ARHGAP24: variants seen among roughly 807,000 people sequenced by gnomAD.
ARHGAP24 encodes Rho GTPase activating protein 24.
ARHGAP24 carries 50 observed loss-of-function variants against 76.4 expected under a neutral mutation model. The ratio of observed to expected loss-of-function variants is 0.65; its 90% CI spans 0.52 to 0.83. The LOEUF (loss-of-function observed/expected upper bound fraction) is 0.83. ARHGAP24 is among the 40% of genes least tolerant of loss of function. The pLI is 0.00. For missense variants in ARHGAP24, 930 were observed against 914.2 expected (o/e 1.02, Z -0.22); for synonymous variants, 345 against 323.3 (o/e 1.07, Z -0.72).
At chr4:85,641,149 T>A (rs945160874) in intron 2 of ARHGAP24, among the ~76,000 whole-genome samples, 4 of 152,112 alleles carry the variant, frequency 2.6e-5, no homozygotes, top group African/African-American at 9.7e-5. Flanking sequence ...CAGGCTAGAG[T>A]GCAGTAGAAC....
At chr4:85,692,405 T>A (rs188368927) in intron 2 of ARHGAP24, among the ~76,000 whole-genome samples, 3 of 152,330 alleles carry the variant, frequency 2.0e-5, no homozygotes, top group Non-Finnish European at 4.4e-5. Flanking sequence ...GTGCACTATA[T>A]CCTCAAGTAT....
chr4:85,534,095 G>A (rs188408691), intron 1 of ARHGAP24, among the ~76,000 whole-genome samples: 1 of 152,268 alleles, frequency 6.6e-6, no homozygotes, highest in African/African-American at 2.4e-5. Flanking sequence ...GGAAGCTGGT[G>A]AAGCAGCTAA....
At position 85,995,075 on chromosome 4, in the gene ARHGAP24, C is replaced by A; in HGVS notation, c.1421C>A (p.Thr474Lys). ...SLKVSGTKMG[T>K]HSVQNGTVRM... ...AAGGTATCTGGTACCAAAATGGGCACGCACAGTGTACAGAATGGAACGGTG... is the reference window on the plus strand; with the variant it reads ...AAGGTATCTGGTACCAAAATGGGCAAGCACAGTGTACAGAATGGAACGGTG... Residue 474 changes from threonine to lysine, a missense_variant, in exon 9 of 10, where the codon ACG becomes AAG. Coordinates refer to ENST00000395184, the MANE Select transcript of ARHGAP24 (RefSeq NM_001025616.3). 1.2e-6 allele frequency: 2 copies of A among 1,613,982 alleles called. No homozygotes were observed. The highest frequency in any genetic ancestry group is 1.7e-6 in the Non-Finnish European group (2 of 1,180,006).
At chr4:85,535,914 G>A (rs868373702) in intron 1 of ARHGAP24, among the ~76,000 whole-genome samples, 22 of 152,082 alleles carry the variant, frequency 1.4e-4, no homozygotes, top group Admixed American at 6.5e-4. Context: ...TCTTCTGAAT[G>A]TCAAAAACAT....
chr4:85,802,094 A>C (rs980864175), intron 3 of ARHGAP24, among the ~76,000 whole-genome samples: 1 of 152,232 alleles, frequency 6.6e-6, no homozygotes, highest in Admixed American at 6.5e-5. Context: ...GATGGAAATC[A>C]ATAAAATTCA....
At chr4:85,515,043 G>A (rs188712701) in intron 1 of ARHGAP24, among the ~76,000 whole-genome samples, 6 of 151,944 alleles carry the variant, frequency 3.9e-5, no homozygotes, top group Admixed American at 1.3e-4. Flanking sequence ...ATCCTGCTGC[G>A]GATCTTCTGA....
intron 2 of ARHGAP24, among the ~76,000 whole-genome samples, chr4:85,648,090 T>A (rs1317281973): frequency 6.6e-6 from 1 of 152,150 alleles, no homozygotes; most frequent in Non-Finnish European, 1.5e-5. Context: ...TCATGCTGAC[T>A]TATTCACACC....
At chr4:85,619,333 T>G (rs1720639097) in intron 2 of ARHGAP24, among the ~76,000 whole-genome samples, 1 of 149,418 alleles carries the variant, frequency 6.7e-6, no homozygotes, top group African/African-American at 2.6e-5. Context: ...TATGTCTGTT[T>G]TTATGCTGAT....
chr4:85,919,388 C>A (rs1180432470), intron 3 of ARHGAP24, among the ~76,000 whole-genome samples: 1 of 152,146 alleles, frequency 6.6e-6, no homozygotes, highest in Non-Finnish European at 1.5e-5. Flanking sequence ...TTAGAAATCA[C>A]CTATTTTTAG....
chr4:85,562,200 T>C (rs1726624774), intron 1 of ARHGAP24, among the ~76,000 whole-genome samples: 1 of 152,206 alleles, frequency 6.6e-6, no homozygotes, highest in South Asian at 2.1e-4. Flanking sequence ...TAAAAGAAAA[T>C]GCTAATGCTA....
intron 3 of ARHGAP24, among the ~76,000 whole-genome samples, chr4:85,894,997 A>C (rs1560701748): frequency 2.6e-5 from 1 of 38,382 alleles, no homozygotes; most frequent in Non-Finnish European, 5.0e-5. Context: ...AACAAAACAA[A>C]AAGCAAAAAA....
intron 3 of ARHGAP24, among the ~76,000 whole-genome samples, chr4:85,771,276 G>A (rs1224190266): frequency 6.6e-6 from 1 of 152,252 alleles, no homozygotes; most frequent in Non-Finnish European, 1.5e-5. Flanking sequence ...TATAGTTCCA[G>A]TCTAAGCCTG....
At chr4:85,532,749 T>C (rs1178619614) in intron 1 of ARHGAP24, among the ~76,000 whole-genome samples, 1 of 152,192 alleles carries the variant, frequency 6.6e-6, no homozygotes, top group African/African-American at 2.4e-5. Flanking sequence ...TCTTGCTGCA[T>C]GAAAACAAAC....
At chr4:85,712,712 G>T (rs1471766749) in intron 2 of ARHGAP24, among the ~76,000 whole-genome samples, 1 of 152,014 alleles carries the variant, frequency 6.6e-6, no homozygotes, top group African/African-American at 2.4e-5. Flanking sequence ...CCTCTTATAA[G>T]GACACTTTCT....
At chr4:85,812,571 A>G (rs1578252520) in intron 3 of ARHGAP24, among the ~76,000 whole-genome samples, 1 of 152,300 alleles carries the variant, frequency 6.6e-6, no homozygotes, top group East Asian at 1.9e-4. Context: ...AGTCTTAACA[A>G]TAAAACCCAG....
At chr4:85,576,710 GA>G (rs1446506568) in intron 2 of ARHGAP24, among the ~76,000 whole-genome samples, 1 of 152,054 alleles carries the variant, frequency 6.6e-6, no homozygotes, top group Non-Finnish European at 1.5e-5. Flanking sequence ...CACTTTCCTA[GA>G]AATGATTATA....
In ARHGAP24 at chr4:85,989,870, G is replaced by A. The variant is rs149941854; in HGVS notation, c.929-4713G>A. 83 of 151,730 alleles carry A rather than the reference G, an allele frequency of 5.5e-4. 1 individual carries two copies. The highest frequency in any genetic ancestry group is 1.9e-3 in the African/African-American group (80 of 41,480). The allele number at this position is 151,730 out of a possible 1,614,324, so 9.4% of individuals were successfully genotyped here. ...ATTTAGTTAAAATACTATTGTTAAT[G>A]GTAAAAGACCAAATGCTTTGCCTCT... is the stretch of plus-strand genomic sequence containing the variant. On this transcript the variant is annotated intron_variant, in intron 8 of 9. Coordinates refer to ENST00000395184, the MANE Select transcript of ARHGAP24 (RefSeq NM_001025616.3).
At chr4:85,859,971 C>A (rs544710779) in intron 3 of ARHGAP24, among the ~76,000 whole-genome samples, 1 of 152,078 alleles carries the variant, frequency 6.6e-6, no homozygotes, top group East Asian at 1.9e-4. Flanking sequence ...ATTAACAGGG[C>A]AAAGCTTTCT....
chr4:85,955,475 T>G (rs1176137944), intron 5 of ARHGAP24, among the ~76,000 whole-genome samples: 1 of 152,220 alleles, frequency 6.6e-6, no homozygotes, highest in African/African-American at 2.4e-5. Flanking sequence ...ATGCTCTCTC[T>G]GAAGGATTTA....
Sources: allele counts gnomAD v4.1 joint callset (sites outside exome capture counted in the v4.1 genomes callset), GRCh38; gene constraint gnomAD v4.1.1; transcripts MANE v1.5; gene names NCBI Gene and HGNC (gene_info 2026-07-23, HGNC 2026-07-21).